The following RPS6KC1 variants were observed in gnomAD, a reference collection of about 807,000 sequenced individuals.
The protein encoded by RPS6KC1 is inactive ribosomal protein S6 kinase delta-1.
Under a neutral mutation model 103.8 loss-of-function variants are expected in RPS6KC1, and 54 were observed. That is an observed-to-expected ratio of 0.52 (90% CI 0.42 to 0.65). The LOEUF (loss-of-function observed/expected upper bound fraction) is 0.65. RPS6KC1 is among the 30% of genes least tolerant of loss of function. The pLI is 0.00. For synonymous variants in RPS6KC1, 439 were observed against 438.7 expected (o/e 1.00, Z -0.01); for missense variants, 1,151 against 1,253.8 (o/e 0.92, Z 1.24).
At chr1:213,657,351 G>C in the RPS6KC1 span, among the ~76,000 whole-genome samples, 1 of 152,152 alleles carries the variant, frequency 6.6e-6, no homozygotes, top group Non-Finnish European at 1.5e-5. Flanking sequence ...AGTGTGTAAG[G>C]AACATAGGGG....
intron 12 of RPS6KC1, among the ~76,000 whole-genome samples, chr1:213,255,929 A>C (rs186046117): frequency 6.6e-6 from 1 of 152,346 alleles, no homozygotes; most frequent in Non-Finnish European, 1.5e-5. Context: ...TCATGTTACC[A>C]ATTTCACATT....
the RPS6KC1 span, among the ~76,000 whole-genome samples, chr1:213,502,120 AAAT>A: frequency 6.6e-6 from 1 of 152,230 alleles, no homozygotes; most frequent in Non-Finnish European, 1.5e-5. Context: ...TTATTTTAAA[AAAT>A]TCCCAGATTA....
At chr1:213,310,455 C>T in the RPS6KC1 span, among the ~76,000 whole-genome samples, 7 of 152,120 alleles carry the variant, frequency 4.6e-5, no homozygotes, top group South Asian at 1.5e-3. Context: ...TTTTTTCCCT[C>T]TGCCTGGAAG....
At chr1:213,146,735 A>G (rs2087888960) in intron 6 of RPS6KC1, among the ~76,000 whole-genome samples, 2 of 151,810 alleles carry the variant, frequency 1.3e-5, no homozygotes, top group African/African-American at 4.8e-5. Flanking sequence ...GTGGGATTGC[A>G]ATTTTTATTT....
the RPS6KC1 span, among the ~76,000 whole-genome samples, chr1:213,415,500 A>G: frequency 6.6e-6 from 1 of 152,186 alleles, no homozygotes; most frequent in Non-Finnish European, 1.5e-5. Context: ...GAGGTGGGGC[A>G]GGACTGGGAT....
chr1:213,510,192 C>T, the RPS6KC1 span, among the ~76,000 whole-genome samples: 1 of 152,202 alleles, frequency 6.6e-6, no homozygotes, highest in African/African-American at 2.4e-5. Context: ...GCTCTGTTGT[C>T]TCCTAAGCCC....
the RPS6KC1 span, among the ~76,000 whole-genome samples, chr1:213,296,191 G>A: frequency 6.6e-6 from 1 of 152,252 alleles, no homozygotes; most frequent in South Asian, 2.1e-4. Flanking sequence ...TGGTGCTGTT[G>A]GCATCATGTT....
At chr1:213,531,265 C>T in the RPS6KC1 span, among the ~76,000 whole-genome samples, 2 of 151,324 alleles carry the variant, frequency 1.3e-5, no homozygotes. Flanking sequence ...GCTATTTAGT[C>T]CCATGACCTA....
At chr1:213,206,493 A>G (rs1169268826) in intron 8 of RPS6KC1, among the ~76,000 whole-genome samples, 3 of 152,260 alleles carry the variant, frequency 2.0e-5, no homozygotes, top group South Asian at 2.1e-4. Flanking sequence ...AAGTAAATAC[A>G]TAAGTTGTAA....
At chr1:213,256,576 A>G (rs1267022905) in intron 12 of RPS6KC1, among the ~76,000 whole-genome samples, 2 of 151,758 alleles carry the variant, frequency 1.3e-5, no homozygotes, top group Non-Finnish European at 1.5e-5. Context: ...TGATGTTTTA[A>G]GAAAGTTTAC....
intron 3 of RPS6KC1, among the ~76,000 whole-genome samples, chr1:213,102,944 G>A (rs2082140728): frequency 6.6e-6 from 1 of 152,068 alleles, no homozygotes; most frequent in Non-Finnish European, 1.5e-5. Context: ...GCTCATGCCT[G>A]CAATACAATC....
intron 3 of RPS6KC1, among the ~76,000 whole-genome samples, chr1:213,081,153 C>G (rs2079841002): frequency 1.3e-5 from 2 of 152,144 alleles, no homozygotes; most frequent in African/African-American, 2.4e-5. Context: ...TCCCTTCTGT[C>G]TTAGTCTGTG....
chr1:213,419,248 A>G, the RPS6KC1 span, among the ~76,000 whole-genome samples: 1 of 152,226 alleles, frequency 6.6e-6, no homozygotes, highest in South Asian at 2.1e-4. Flanking sequence ...AGCCAGCAGC[A>G]AAAGGTCCCA....
At chr1:213,802,273 T>A in the RPS6KC1 span, among the ~76,000 whole-genome samples, 2 of 152,222 alleles carry the variant, frequency 1.3e-5, no homozygotes, top group East Asian at 3.8e-4. Flanking sequence ...CAGCTCAATT[T>A]AACTGCTGCC....
At chr1:213,150,507 T>C (rs989945413) in intron 6 of RPS6KC1, among the ~76,000 whole-genome samples, 35 of 150,226 alleles carry the variant, frequency 2.3e-4, no homozygotes, top group African/African-American at 8.3e-4. Flanking sequence ...TAGGGAGTGG[T>C]GATGACTCTT....
chr1:213,081,039 C>T (rs966098583), intron 3 of RPS6KC1, among the ~76,000 whole-genome samples: 2 of 152,136 alleles, frequency 1.3e-5, no homozygotes, highest in Non-Finnish European at 2.9e-5. Context: ...GAAATCATGC[C>T]ACATTTTAGT....
chr1:213,724,786 A>G, the RPS6KC1 span, among the ~76,000 whole-genome samples: 1 of 152,192 alleles, frequency 6.6e-6, no homozygotes, highest in Non-Finnish European at 1.5e-5. Context: ...CATTAATCTC[A>G]TTACTAACAA....
chr1:213,834,955 G>A, the RPS6KC1 span, among the ~76,000 whole-genome samples: 5 of 152,144 alleles, frequency 3.3e-5, no homozygotes, highest in African/African-American at 4.8e-5. Flanking sequence ...TGGGAGGTGG[G>A]GGAGAGGGAA....
At chr1:213,429,704 C>T in the RPS6KC1 span, among the ~76,000 whole-genome samples, 2 of 152,170 alleles carry the variant, frequency 1.3e-5, no homozygotes, top group Non-Finnish European at 2.9e-5. Flanking sequence ...TCTTCTTCAT[C>T]TCCACCCACT....
Sources: allele counts gnomAD v4.1 joint callset (sites outside exome capture counted in the v4.1 genomes callset), GRCh38; gene constraint gnomAD v4.1.1; transcripts MANE v1.5; gene names NCBI Gene and HGNC (gene_info 2026-07-23, HGNC 2026-07-21).